Variants in LRRC61 observed in about 807,000 individuals in gnomAD.
LRRC61 encodes leucine rich repeat containing 61.
In LRRC61, 9 loss-of-function variants were observed where a neutral mutation model predicts 15.1. The ratio of observed to expected loss-of-function variants is 0.60; its 90% CI spans 0.36 to 1.04. LRRC61 has a LOEUF of 1.04. LRRC61 is among the 50% of genes least tolerant of loss of function. LRRC61 has a pLI of 0.01. For missense variants in LRRC61, 344 were observed against 335.6 expected, an observed-to-expected ratio of 1.03 and a Z score of -0.20; for synonymous variants, 173 against 158.6, an observed-to-expected ratio of 1.09 and a Z score of -0.68.
rs768498853 is a variant in LRRC61 at position 150,337,500 on chromosome 7, C to T, written c.639C>T (p.Ser213=). The T allele has an allele frequency of 6.2e-7, 1 of 1,602,986 alleles. No individual in the cohort carries two copies. The highest frequency in any genetic ancestry group is 2.2e-5 in the East Asian group (1 of 44,834). Residue 213 remains serine (S), a synonymous_variant, in exon 3 of 3, where the codon AGC becomes AGT. Transcript: ENST00000359623. ...GGGAGTCCTGGCCCAGCCGGAGCAGCTCCATCCTGGAGGAGGCCTGCCGGC... is the reference window on the plus strand; with the variant it reads ...GGGAGTCCTGGCCCAGCCGGAGCAGTTCCATCCTGGAGGAGGCCTGCCGGC... ...GYWESWPSRS[S]SILEEACRQF... is the part of the protein sequence containing the mutation.
chr7:150,324,488 A>G (rs987040309), intron 1 of LRRC61: 3 of 152,258 alleles, frequency 2.0e-5, no homozygotes, highest in Non-Finnish European at 4.4e-5. Flanking sequence ...AGCCCAGGCT[A>G]AGCCAGATCA....
chr7:150,332,233 G>A (rs937996900), intron 2 of LRRC61: 1 of 167,224 alleles, frequency 6.0e-6, no homozygotes, highest in Non-Finnish European at 1.5e-5. Flanking sequence ...GAGGGCCTGG[G>A]ATCCAGGAAC....
At position 150,330,277 on chromosome 7, in the gene LRRC61, T is replaced by TGGG; in HGVS notation, c.-145+4269_-145+4270insGGG. The TGGG allele has an allele frequency of 1.1e-5, 7 of 644,144 alleles. No homozygotes were observed. The highest frequency in any genetic ancestry group is 7.0e-5 in the South Asian group (4 of 57,072). 39.9% of individuals were successfully genotyped at this position (644,144 alleles called of 1,614,324 possible). A position where few individuals can be genotyped will look rare whatever the true frequency, so the allele number is the denominator to read the frequency against. ...TCGGCCTACCACCTGCTGGAGTGGC[T>TGGG]GGTGGAGCAGCAGCAGCCCCTTCAA... On this transcript the variant is annotated intron_variant, in intron 2 of 2. Transcript: ENST00000359623. This position sits in a 1 kb window ranked among gnomAD's most constrained non-coding sequence, Gnocchi z 4.6.
At chr7:150,329,086 G>A (rs1001749736) in intron 2 of LRRC61, among the ~76,000 whole-genome samples, 1 of 152,210 alleles carries the variant, frequency 6.6e-6, no homozygotes, top group African/African-American at 2.4e-5. Flanking sequence ...AGGTCGGGGG[G>A]TTTCAGGAGG....
intron 1 of LRRC61, 95 bp from the exon 2 acceptor site, chr7:150,325,745 TA>T (rs1453385591): frequency 3.3e-5 from 5 of 152,350 alleles, no homozygotes; most frequent in African/African-American, 7.2e-5. Context: ...GTGCTAGGAT[TA>T]CAGGCGTGAG....
intron 2 of LRRC61, chr7:150,334,099 A>G: frequency 1.0e-6 from 1 of 985,368 alleles, no homozygotes; most frequent in Non-Finnish European, 1.2e-6. Context: ...TGGTGTGAGC[A>G]TGCACAGTTG....
At chr7:150,322,395 A>G (rs1372017129), upstream of LRRC61, among the ~76,000 whole-genome samples, 1 of 152,268 alleles carries the variant, frequency 6.6e-6, no homozygotes, top group Non-Finnish European at 1.5e-5. Flanking sequence ...AAACGCCACC[A>G]AAACCAATAT....
At position 150,337,509 on chromosome 7, in the gene LRRC61, G is replaced by C. The variant is rs1563230525; in HGVS notation, c.648G>C (p.Leu216=). 1 of 1,603,076 alleles carries C rather than the reference G, an allele frequency of 6.2e-7. No individual in the cohort carries two copies. The highest frequency in any genetic ancestry group is 8.5e-7 in the Non-Finnish European group (1 of 1,178,886). ...ESWPSRSSSI[L]EEACRQFQDT... ...GGCCCAGCCGGAGCAGCTCCATCCTGGAGGAGGCCTGCCGGCAGTTCCAGG... is the reference window on the plus strand; with the variant it reads ...GGCCCAGCCGGAGCAGCTCCATCCTCGAGGAGGCCTGCCGGCAGTTCCAGG... The change falls in exon 3 of 3, where the codon CTG becomes CTC. Residue 216 remains leucine, a synonymous_variant. Transcript: ENST00000359623.
At chr7:150,315,086 TTTA>T in the LRRC61 span, among the ~76,000 whole-genome samples, 3 of 147,284 alleles carry the variant, frequency 2.0e-5, no homozygotes, top group East Asian at 1.9e-4. Context: ...ATATTTATTA[TTTA>T]TTATATTTTA....
Position 150,330,119 on chromosome 7 carries a change from C to T in LRRC61, c.-145+4109C>T. On this transcript the variant is annotated intron_variant, in intron 2 of 2. Transcript: ENST00000359623. The surrounding 1 kb of genome is among the most constrained non-coding windows in gnomAD (Gnocchi z 4.6). Reference sequence around the variant, plus strand: ...GTCACCCTCACAGTGTCCAGATCATCCTGGGCACTGCCAGGGCCACCTGCA... The same window carrying T: ...GTCACCCTCACAGTGTCCAGATCATTCTGGGCACTGCCAGGGCCACCTGCA... 6.0e-6 allele frequency: 3 copies of T among 503,562 alleles called. No individual in the cohort carries two copies. Among genetic ancestry groups the T allele is most frequent in the South Asian group, 4.7e-5 (2 of 42,432 alleles). The allele number at this position is 503,562 out of a possible 1,614,324, so 31.2% of individuals were successfully genotyped here. A position where few individuals can be genotyped will look rare whatever the true frequency, so the allele number is the denominator to read the frequency against.
At chr7:150,323,212 G>C (rs1311803441), upstream of LRRC61, 2 of 236,196 alleles carry the variant, frequency 8.5e-6, no homozygotes, top group African/African-American at 4.8e-5. Context: ...AGGCACCGCA[G>C]GTAGGAGGAA....
the LRRC61 span, among the ~76,000 whole-genome samples, chr7:150,314,048 G>A: frequency 9.2e-5 from 14 of 152,314 alleles, no homozygotes; most frequent in East Asian, 5.8e-4. Flanking sequence ...CCTCCAGGGC[G>A]AGTGAGCTTC....
rs563020148 is a variant in LRRC61 at position 150,325,414 on chromosome 7, CTTG to C, written c.-314-422_-314-420del. Reference sequence around the variant, plus strand: ...AGCTTAGAAGCCCTTGGAATCTTGTCTTGTTGTGGTTGTAGGCCTCCAATGTGT... The same window carrying C: ...AGCTTAGAAGCCCTTGGAATCTTGTCTTGTGGTTGTAGGCCTCCAATGTGT... On this transcript the variant is annotated intron_variant, in intron 1 of 2. Coordinates refer to ENST00000359623, the MANE Select transcript of LRRC61 (RefSeq NM_001142928.2). 1.3e-3 allele frequency among the ~76,000 whole-genome samples: 198 copies of C among 152,374 alleles called. 1 individual carries two copies. Among genetic ancestry groups the C allele is most frequent in the African/African-American group, 4.6e-3 (191 of 41,592 alleles).
chr7:150,318,021 A>ATCCCTCTC, the LRRC61 span, among the ~76,000 whole-genome samples: 5 of 152,206 alleles, frequency 3.3e-5, no homozygotes, highest in Non-Finnish European at 7.3e-5. Context: ...GGTTGCAAGA[A>ATCCCTCTC]AATGGGGATT....
rs1242452756 is a variant in LRRC61, at chr7:150,335,291, C to A, written c.-144-1427C>A. Among the ~76,000 whole-genome samples the A allele has an allele frequency of 2.6e-5, 4 of 152,198 alleles. No individual in the cohort carries two copies. ...TTTACAAACCCCAAAAGATTCCATT[C>A]CCACTGAGGGAATCCACACTTCTTG... is the stretch of plus-strand genomic sequence containing the variant. On this transcript the variant is annotated intron_variant, in intron 2 of 2. Transcript: ENST00000359623. This position sits in a 1 kb window ranked among gnomAD's most constrained non-coding sequence, Gnocchi z 4.3.
chr7:150,330,874 C>T lies in LRRC61; in HGVS notation c.-145+4864C>T. 1.2e-6 allele frequency: 2 copies of T among 1,611,042 alleles called. No homozygotes were observed. On this transcript the variant is annotated intron_variant, in intron 2 of 2. Coordinates refer to ENST00000359623, the MANE Select transcript of LRRC61 (RefSeq NM_001142928.2). The surrounding 1 kb of genome is among the most constrained non-coding windows in gnomAD (Gnocchi z 4.6). ...GAGCCTCTGCAGAGCAGCAGCCACT[C>T]TGGGGCCTTCCTGCTGGCCCAGAGG...
rs1338451911 is a variant in LRRC61, at chr7:150,335,413, G to C, written c.-144-1305G>C. 2.0e-5 allele frequency among the ~76,000 whole-genome samples: 3 copies of C among 152,250 alleles called. No individual in the cohort carries two copies. The highest frequency in any genetic ancestry group is 4.4e-5 in the Non-Finnish European group (3 of 68,042). ...AATGTTGCAGACTAGAAGGGAGCTA[G>C]ATAAGGAAATGGGGGCCATAAGCAC... is the stretch of plus-strand genomic sequence containing the variant. On this transcript the variant is annotated intron_variant, in intron 2 of 2. Coordinates refer to ENST00000359623, the MANE Select transcript of LRRC61 (RefSeq NM_001142928.2). This position sits in a 1 kb window ranked among gnomAD's most constrained non-coding sequence, Gnocchi z 4.3.
upstream of LRRC61, chr7:150,323,350 TC>T: frequency 3.6e-6 from 1 of 276,370 alleles, no homozygotes; most frequent in South Asian, 2.8e-5. Flanking sequence ...CTGGGCGCGT[TC>T]CGGGAGCTCA....
At chr7:150,313,273 G>A in the LRRC61 span, among the ~76,000 whole-genome samples, 41,892 of 152,054 alleles carry the variant, frequency 0.28, 5,943 homozygotes, top group East Asian at 0.43. Flanking sequence ...TCTTCTCTAC[G>A]GACACACGTG....
Sources: gnomAD v4.1 joint callset for allele counts (sites outside exome capture counted in the v4.1 genomes callset) on GRCh38, gnomAD v4.1.1 for gene constraint, Gnocchi (gnomAD v3.1) non-coding constraint, MANE v1.5 for transcripts, NCBI Gene and HGNC (gene_info 2026-07-23, HGNC 2026-07-21) for gene names.